NOL4: variants seen among roughly 807,000 people sequenced by gnomAD.
The protein encoded by NOL4 is nucleolar protein 4, also known as cancer/testis antigen 125.
Under a neutral mutation model 75.9 loss-of-function variants are expected in NOL4, and 17 were observed. The observed-to-expected ratio is 0.22, with a 90% CI of 0.15 to 0.34. The LOEUF (loss-of-function observed/expected upper bound fraction) is 0.34, where lower values mean the gene tolerates loss of function less well. NOL4 is among the 10% of genes least tolerant of loss of function. The pLI is 1.00. For missense variants in NOL4, 614 were observed against 793.5 expected, an observed-to-expected ratio of 0.77 and a Z score of 2.72; for synonymous variants, 292 against 289.9, an observed-to-expected ratio of 1.01 and a Z score of -0.07.
chr18:34,137,731 A>G (rs2080951204), intron 1 of NOL4, among the ~76,000 whole-genome samples: 2 of 151,766 alleles, frequency 1.3e-5, no homozygotes, highest in African/African-American at 4.8e-5. Flanking sequence ...AAAGTTAAAC[A>G]TAGACTTACC....
chr18:34,170,240 T>C (rs141206019), intron 1 of NOL4, among the ~76,000 whole-genome samples: 350 of 151,816 alleles, frequency 2.3e-3, no homozygotes, highest in African/African-American at 7.8e-3. Flanking sequence ...TACAATGGCA[T>C]GATCTCAACT....
At chr18:33,855,078 C>CT (rs1253429296) in intron 10 of NOL4, among the ~76,000 whole-genome samples, 1 of 151,948 alleles carries the variant, frequency 6.6e-6, no homozygotes, top group Non-Finnish European at 1.5e-5. Context: ...ATTATCTTGG[C>CT]TTTTTTCAGA....
intron 10 of NOL4, among the ~76,000 whole-genome samples, chr18:33,873,889 A>T (rs180688007): frequency 2.4e-4 from 36 of 152,072 alleles, no homozygotes; most frequent in Non-Finnish European, 4.7e-4. Flanking sequence ...TTAGCCAGAA[A>T]ATTAGTGAGG....
At chr18:34,110,051 A>G (rs1202317825) in intron 2 of NOL4, among the ~76,000 whole-genome samples, 1 of 144,148 alleles carries the variant, frequency 6.9e-6, no homozygotes, top group South Asian at 2.3e-4. Context: ...TGACGGCTTC[A>G]CTGGTAAATT....
intron 5 of NOL4, among the ~76,000 whole-genome samples, chr18:34,071,438 G>GACACACAC (rs61428886): frequency 0.25 from 37,548 of 147,560 alleles, 4,979 homozygotes; most frequent in Non-Finnish European, 0.3. Flanking sequence ...CAGACAGACA[G>GACACACAC]ACACACACAC....
intron 5 of NOL4, among the ~76,000 whole-genome samples, chr18:34,033,583 G>A (rs2075746189): frequency 6.6e-6 from 1 of 151,916 alleles, no homozygotes. Flanking sequence ...TAAAATTATG[G>A]GAGTCCCATA....
At chr18:34,023,766 T>C (rs908802392) in intron 5 of NOL4, 1 of 243,310 alleles carries the variant, frequency 4.1e-6, no homozygotes, top group Non-Finnish European at 8.7e-6. Context: ...TTTGATGGGA[T>C]GGATTTAGTG....
chr18:33,919,288 G>T (rs559987153), intron 9 of NOL4, among the ~76,000 whole-genome samples: 44 of 152,214 alleles, frequency 2.9e-4, no homozygotes, highest in African/African-American at 1.0e-3. Flanking sequence ...ACCCTGATGT[G>T]TCACAAAAAC....
chr18:33,946,985 C>A (rs2145616275), intron 8 of NOL4, among the ~76,000 whole-genome samples: 1 of 151,740 alleles, frequency 6.6e-6, no homozygotes, highest in African/African-American at 2.4e-5. Flanking sequence ...CTAAAAATCT[C>A]TTTGCTTCTA....
chr18:33,973,710 C>T (rs1419954975), intron 6 of NOL4, among the ~76,000 whole-genome samples: 2 of 152,150 alleles, frequency 1.3e-5, no homozygotes, highest in African/African-American at 2.4e-5. Flanking sequence ...TCTTGGGTGA[C>T]CAAGCGCACT....
chr18:34,223,590 A>C lies in NOL4; in HGVS notation c.-337T>G. The C allele has an allele frequency of 3.5e-6, 1 of 282,468 alleles. No individual in the cohort carries two copies. Among genetic ancestry groups the C allele is most frequent in the Non-Finnish European group, 6.6e-6 (1 of 151,584 alleles). 17.5% of individuals were successfully genotyped at this position (282,468 alleles called of 1,614,324 possible). On this transcript the variant is annotated 5_prime_UTR_variant, in exon 1 of 11. Coordinates refer to ENST00000261592, the MANE Select transcript of NOL4 (RefSeq NM_003787.5). ...GCCCAGAGGAGCTGGGTTTTCAATA[A>C]TTAAAATCCCATTCCTTGGTTTATT... is the stretch of plus-strand genomic sequence containing the variant.
intron 9 of NOL4, among the ~76,000 whole-genome samples, chr18:33,910,439 C>T (rs1213933797): frequency 2.0e-5 from 3 of 151,918 alleles, no homozygotes; most frequent in African/African-American, 7.3e-5. Context: ...CTGTGTTTCC[C>T]CATGGCAGAA....
chr18:34,223,098 T>C lies in NOL4; in HGVS notation c.156A>G (p.Lys52=). The C allele has an allele frequency of 6.2e-7, 1 of 1,614,128 alleles. No individual in the cohort carries two copies. Among genetic ancestry groups the C allele is most frequent in the Non-Finnish European group, 8.5e-7 (1 of 1,180,020 alleles). ...GSESSSTDNA[K]FKFWVKSKGF... ...CCTTCGATTTGACCCAGAATTTAAATTTGGCGTTGTCCGTGGAGCTCGACT... is the reference window on the plus strand; with the variant it reads ...CCTTCGATTTGACCCAGAATTTAAACTTGGCGTTGTCCGTGGAGCTCGACT... Residue 52 remains lysine (K), a synonymous_variant, in exon 1 of 11, where the codon AAA becomes AAG. Transcript: ENST00000261592.
chr18:34,075,781 G>A (rs1351109413), intron 5 of NOL4, among the ~76,000 whole-genome samples: 1 of 152,176 alleles, frequency 6.6e-6, no homozygotes, highest in Non-Finnish European at 1.5e-5. Context: ...ACAGCTGGAA[G>A]ACGAGTACAT....
At chr18:34,064,806 T>G (rs2077200551) in intron 5 of NOL4, among the ~76,000 whole-genome samples, 1 of 151,828 alleles carries the variant, frequency 6.6e-6, no homozygotes, top group African/African-American at 2.4e-5. Context: ...GACTTAAGTC[T>G]TGCAAATCTT....
At chr18:34,029,270 G>A (rs911134041) in intron 5 of NOL4, among the ~76,000 whole-genome samples, 4 of 152,044 alleles carry the variant, frequency 2.6e-5, no homozygotes, top group African/African-American at 9.6e-5. Flanking sequence ...TTCTAGTCTT[G>A]GGTCCCTTAA....
At chr18:33,897,690 G>A (rs780843853) in intron 9 of NOL4, among the ~76,000 whole-genome samples, 5 of 151,902 alleles carry the variant, frequency 3.3e-5, no homozygotes, top group African/African-American at 4.8e-5. Flanking sequence ...AAAATAATAC[G>A]TACAACAAAC....
rs115847338 is a variant in NOL4, at chr18:34,193,144, A to G, written c.264+29846T>C. On this transcript the variant is annotated intron_variant, in intron 1 of 10. Coordinates refer to ENST00000261592, the MANE Select transcript of NOL4 (RefSeq NM_003787.5). Reference sequence around the variant, plus strand: ...ATTAAAGACTTACACACAAGACCTAATACTGTAAAACTGCAAGAGAAAAAC... The same window carrying G: ...ATTAAAGACTTACACACAAGACCTAGTACTGTAAAACTGCAAGAGAAAAAC... 8.9e-3 allele frequency among the ~76,000 whole-genome samples: 1,356 copies of G among 152,306 alleles called. 20 individuals carry two copies. Among genetic ancestry groups the G allele is most frequent in the African/African-American group, 0.03 (1,261 of 41,570 alleles).
intron 5 of NOL4, among the ~76,000 whole-genome samples, chr18:34,090,835 G>A (rs1720293096): frequency 6.6e-6 from 1 of 152,116 alleles, no homozygotes; most frequent in African/African-American, 2.4e-5. Flanking sequence ...TGGAAATAAC[G>A]GGAAAACTCT....
Sources: gnomAD v4.1 joint callset for allele counts (sites outside exome capture counted in the v4.1 genomes callset) on GRCh38, gnomAD v4.1.1 for gene constraint, MANE v1.5 for transcripts, NCBI Gene and HGNC (gene_info 2026-07-23, HGNC 2026-07-21) for gene names.